SZT2: variants seen among roughly 807,000 people sequenced by gnomAD.
SZT2 encodes SZT2 subunit of KICSTOR complex.
SZT2 carries 216 observed loss-of-function variants against 404.2 expected under a neutral mutation model. That is an observed-to-expected ratio of 0.53 (90% CI 0.48 to 0.60). The LOEUF (loss-of-function observed/expected upper bound fraction) is 0.60, where lower values mean the gene tolerates loss of function less well. Ranked by LOEUF, SZT2 falls within the 20% of genes least tolerant of loss-of-function variation. The probability of loss-of-function intolerance (pLI) is 0.00; values close to 1 mark genes in which losing one functional copy is unlikely to be tolerated. For synonymous variants in SZT2, 1,693 were observed against 1,749.9 expected (o/e 0.97, Z 0.81); for missense variants, 3,857 against 4,459.2 (o/e 0.86, Z 3.85).
chr1:43,395,368 G>A (rs1406955216), intron 1 of SZT2, among the ~76,000 whole-genome samples: 1 of 152,132 alleles, frequency 6.6e-6, no homozygotes, highest in African/African-American at 2.4e-5. Context: ...TATGATCATG[G>A]CTCACTGAAG....
intron 6 of SZT2, 30 bp from the exon 7 acceptor site, chr1:43,416,505 C>T (rs762521533): frequency 1.3e-5 from 21 of 1,583,764 alleles, no homozygotes; most frequent in Non-Finnish European, 1.8e-5. Flanking sequence ...GCCAGTGTCT[C>T]CAGGTCTGAT....
intron 42 of SZT2, chr1:43,436,260 C>T (rs1320829904): frequency 6.6e-6 from 1 of 152,186 alleles, no homozygotes; most frequent in Non-Finnish European, 1.5e-5. Context: ...CTGATATCTC[C>T]AGGAGAATGC....
Position 43,422,194 on chromosome 1 carries a change from C to A in SZT2, c.1738C>A (p.His580Asn). ...ANSWQRWLHM[H>N]RLVLILEHDT... is the part of the protein sequence containing the mutation. ...TTCCTGGCAGCGATGGCTGCACATGCATCGCCTGGTGCTAATCCTGGAGCA... is the reference window on the plus strand; with the variant it reads ...TTCCTGGCAGCGATGGCTGCACATGAATCGCCTGGTGCTAATCCTGGAGCA... Residue 580 changes from histidine to asparagine, a missense_variant, in exon 12 of 72, where the codon CAT (histidine) becomes AAT (asparagine). Physicochemically the swap from His to Asn is moderately conservative, Grantham distance 68. Transcript: ENST00000634258. 6.3e-7 allele frequency: 1 copy of A among 1,595,500 alleles called. No homozygotes were observed. Among genetic ancestry groups the A allele is most frequent in the Non-Finnish European group, 8.5e-7 (1 of 1,177,942 alleles).
intron 1 of SZT2, 83 bp downstream of exon 1, chr1:43,390,078 A>T (rs1648094403): frequency 7.4e-7 from 1 of 1,351,542 alleles, no homozygotes; most frequent in Non-Finnish European, 9.5e-7. Context: ...GGCCTCCTCT[A>T]GGTCTGGGGG....
At chr1:43,392,448 T>C (rs1648509103) in intron 1 of SZT2, among the ~76,000 whole-genome samples, 1 of 148,536 alleles carries the variant, frequency 6.7e-6, no homozygotes, top group Non-Finnish European at 1.5e-5. Context: ...GAAGTCTCGC[T>C]CTGTCGCCCA....
At chr1:43,422,035 C>T (rs1290935910) in intron 11 of SZT2, 48 bp from the exon 12 acceptor site, 4 of 1,551,616 alleles carry the variant, frequency 2.6e-6, no homozygotes, top group Non-Finnish European at 2.6e-6. Flanking sequence ...GAGTTTGTAC[C>T]CTGGTCCTCT....
chr1:43,401,708 A>C (rs1649710245), intron 1 of SZT2, among the ~76,000 whole-genome samples: 1 of 151,642 alleles, frequency 6.6e-6, no homozygotes, highest in Non-Finnish European at 1.5e-5. Flanking sequence ...CTGGTCTCGA[A>C]CTCCTGACCT....
At chr1:43,414,324 C>G (rs1651439555) in intron 4 of SZT2, among the ~76,000 whole-genome samples, 1 of 152,022 alleles carries the variant, frequency 6.6e-6, no homozygotes, top group African/African-American at 2.4e-5. Context: ...GGTGGATACC[C>G]CATTTACCAT....
chr1:43,448,637 C>T lies in SZT2; in HGVS notation c.9995C>T (p.Ser3332Phe). ...QLDCFLSMTVSWYQSLIKVLL... is the reference protein window; with the variant it reads ...QLDCFLSMTVFWYQSLIKVLL... ...GACTGCTTCCTATCCATGACGGTCT[C>T]CTGGTACCAGAGCCTGATCAAAGTT... is the stretch of plus-strand genomic sequence containing the variant. The change falls in exon 70 of 72, where the codon TCC (serine) becomes TTC (phenylalanine). Residue 3332 changes from serine to phenylalanine, a missense_variant. Transcript: ENST00000634258. The surrounding 1 kb of genome is among the most constrained non-coding windows in gnomAD (Gnocchi z 4.2). 6.2e-7 allele frequency: 1 copy of T among 1,614,198 alleles called. No homozygotes were observed. The highest frequency in any genetic ancestry group is 1.1e-5 in the South Asian group (1 of 91,092).
intron 15 of SZT2, among the ~76,000 whole-genome samples, 185 bp downstream of exon 15, chr1:43,423,501 TAGC>T (rs1212865213): frequency 7.0e-6 from 1 of 142,946 alleles, no homozygotes; most frequent in Non-Finnish European, 1.5e-5. Flanking sequence ...GGGCGTGGCT[TAGC>T]AGGGTATGAG....
chr1:43,408,853 T>G (rs939483866), intron 4 of SZT2, among the ~76,000 whole-genome samples: 1 of 152,102 alleles, frequency 6.6e-6, no homozygotes, highest in Admixed American at 6.6e-5. Context: ...CTTTTCTGGC[T>G]CGCCCGACCC....
At chr1:43,422,365 G>C in intron 12 of SZT2, 115 bp from the exon 13 acceptor site, 1 of 1,486,994 alleles carries the variant, frequency 6.7e-7, no homozygotes, top group Non-Finnish European at 9.0e-7. Flanking sequence ...TTGCCTCCCT[G>C]CTCTTCAGTC....
chr1:43,420,078 T>C lies in SZT2; in HGVS notation c.1091-75T>C. The C allele has an allele frequency of 6.3e-7, 1 of 1,575,516 alleles. No individual in the cohort carries two copies. The highest frequency in any genetic ancestry group is 8.6e-7 in the Non-Finnish European group (1 of 1,165,380). On this transcript the variant is annotated intron_variant, in intron 8 of 71. Transcript: ENST00000634258. This position sits in a 1 kb window ranked among gnomAD's most constrained non-coding sequence, Gnocchi z 5.1. ...CTGTTACCTCACAGTCATTTCAGCATAGCCCCTTCCCCCTACAGATCTGTC... is the reference window on the plus strand; with the variant it reads ...CTGTTACCTCACAGTCATTTCAGCACAGCCCCTTCCCCCTACAGATCTGTC...
intron 34 of SZT2, 22 bp downstream of exon 34, chr1:43,431,394 A>G (rs1365109317): frequency 6.2e-7 from 1 of 1,612,690 alleles, no homozygotes; most frequent in South Asian, 1.1e-5. Flanking sequence ...TCTCCCTGTC[A>G]GAGTTCATTA....
chr1:43,430,389 G>T lies in SZT2; in HGVS notation c.4480G>T (p.Gly1494Ter). 2 of 1,607,858 alleles carry T rather than the reference G, an allele frequency of 1.2e-6. No homozygotes were observed. The highest frequency in any genetic ancestry group is 1.7e-6 in the Non-Finnish European group (2 of 1,177,286). ...AGAGGCTGAGCTTATGGGAGAAGAA[G>T]GTATGTGGGCAAGTGAGTCAAGGTG... ...FSEAELMGEE[G>*]DTSACCVVTE... is the part of the protein sequence containing the mutation. Residue 1494 changes from glycine to a stop codon, truncating the protein, a stop_gained and splice_region_variant, in exon 31 of 72, where the codon GGA becomes TGA. Coordinates refer to ENST00000634258, the MANE Select transcript of SZT2 (RefSeq NM_001365999.1). LOFTEE classifies it high-confidence loss of function.
chr1:43,445,572 C>T (rs1379862306), intron 62 of SZT2: 2 of 393,388 alleles, frequency 5.1e-6, no homozygotes, highest in South Asian at 2.9e-5. Flanking sequence ...TTGAATTTTC[C>T]TAATCAAATT....
chr1:43,426,451 G>T lies in SZT2; in HGVS notation c.3127G>T (p.Glu1043Ter). ...LCLLHSCLGQ[E>*]LSDREIPLTP... ...CCTGCTGCACAGCTGCCTGGGGCAG[G>T]AGCTGAGTGACCGGGAGATCCCACT... Residue 1043 changes from glutamate (E) to a stop codon, truncating the protein, a stop_gained, in exon 22 of 72, where the codon GAG becomes TAG. Coordinates refer to ENST00000634258, the MANE Select transcript of SZT2 (RefSeq NM_001365999.1). LOFTEE classifies it high-confidence loss of function. This position sits in a 1 kb window ranked among gnomAD's most constrained non-coding sequence, Gnocchi z 4.9. 6.3e-7 allele frequency: 1 copy of T among 1,597,148 alleles called. No homozygotes were observed. The highest frequency in any genetic ancestry group is 8.5e-7 in the Non-Finnish European group (1 of 1,179,334).
In SZT2 at chr1:43,429,755, G is replaced by A. The variant is rs1364599044; in HGVS notation, c.4219G>A (p.Gly1407Ser). 1 of 1,614,070 alleles carries A rather than the reference G, an allele frequency of 6.2e-7. No individual in the cohort carries two copies. The highest frequency in any genetic ancestry group is 2.2e-5 in the East Asian group (1 of 44,874). Residue 1407 changes from glycine (G) to serine (S), a missense_variant, in exon 29 of 72, where the codon GGC becomes AGC. This residue lies in a region of SZT2 where 1,725 missense variants were observed against 1,881.0 expected (regional missense o/e 0.92). Coordinates refer to ENST00000634258, the MANE Select transcript of SZT2 (RefSeq NM_001365999.1). ...TGAGTTTCAGAGCACCCGTGTCCCTGGCATTCCAGACCCTGGGCCAGAGAT... is the reference window on the plus strand; with the variant it reads ...TGAGTTTCAGAGCACCCGTGTCCCTAGCATTCCAGACCCTGGGCCAGAGAT... ...EPEFQSTRVP[G>S]IPDPGPEISL...
intron 3 of SZT2, 121 bp from the exon 4 acceptor site, chr1:43,404,259 G>T: frequency 1.2e-6 from 1 of 819,278 alleles, no homozygotes. Flanking sequence ...GTGTGGCACT[G>T]TATTTGGGTG....
Sources: allele counts gnomAD v4.1 joint callset (sites outside exome capture counted in the v4.1 genomes callset), GRCh38; gene constraint gnomAD v4.1.1; regional missense constraint gnomAD v4.1.1; non-coding constraint Gnocchi (gnomAD v3.1); transcripts MANE v1.5; gene names NCBI Gene and HGNC (gene_info 2026-07-23, HGNC 2026-07-21).